SLC6A6: variants seen among roughly 807,000 people sequenced by gnomAD.
The protein encoded by SLC6A6 is solute carrier family 6 member 6, also known as sodium- and chloride-dependent taurine transporter.
In SLC6A6, 16 loss-of-function variants were observed where a neutral mutation model predicts 68.8. The ratio of observed to expected loss-of-function variants is 0.23; its 90% CI spans 0.16 to 0.35. SLC6A6 has a LOEUF of 0.35. SLC6A6 is among the 10% of genes least tolerant of loss of function. The pLI is 1.00. For synonymous variants in SLC6A6, 312 were observed against 315.4 expected, an observed-to-expected ratio of 0.99 and a Z score of 0.12; for missense variants, 474 against 802.8, an observed-to-expected ratio of 0.59 and a Z score of 4.95.
intron 1 of SLC6A6, among the ~76,000 whole-genome samples, chr3:14,406,764 A>G (rs1038966576): frequency 6.6e-6 from 1 of 152,136 alleles, no homozygotes; most frequent in Admixed American, 6.5e-5. Context: ...AAGCAGAGAG[A>G]GTGAGGAATT....
At chr3:14,407,843 A>T (rs1452604673) in intron 1 of SLC6A6, among the ~76,000 whole-genome samples, 1 of 152,166 alleles carries the variant, frequency 6.6e-6, no homozygotes, top group African/African-American at 2.4e-5. Context: ...TAGTTTTGCC[A>T]GTCTAAATCC....
intron 6 of SLC6A6, among the ~76,000 whole-genome samples, chr3:14,459,446 G>A (rs1183145784): frequency 6.6e-6 from 1 of 152,102 alleles, no homozygotes; most frequent in Admixed American, 6.5e-5. Flanking sequence ...GAATGGGGGT[G>A]ATCCTGTGCA....
At chr3:14,434,693 T>G (rs1699810772) in intron 2 of SLC6A6, among the ~76,000 whole-genome samples, 1 of 152,140 alleles carries the variant, frequency 6.6e-6, no homozygotes, top group Non-Finnish European at 1.5e-5. Context: ...TGGAGTATGG[T>G]GTGTGCCTCA....
chr3:14,426,302 T>TTCC (rs1699596060), intron 2 of SLC6A6, among the ~76,000 whole-genome samples: 1 of 151,892 alleles, frequency 6.6e-6, no homozygotes, highest in African/African-American at 2.4e-5. Context: ...TGAGCCGTAG[T>TTCC]TCCTCATCTC....
chr3:14,478,870 C>T, intron 12 of SLC6A6: 1 of 596,178 alleles, frequency 1.7e-6, no homozygotes, highest in South Asian at 2.0e-5. Flanking sequence ...AGATTGCACA[C>T]CTAGGGTTTG....
In SLC6A6 at chr3:14,477,311, G is replaced by T; in HGVS notation, c.1316G>T (p.Ser439Ile). 6.2e-7 allele frequency: 1 copy of T among 1,614,206 alleles called. No homozygotes were observed. The highest frequency in any genetic ancestry group is 8.5e-7 in the Non-Finnish European group (1 of 1,180,012). ...TTCATCGCCTTCGTGTGTAGCATCAGCTACCTGCTGGGGCTGACGATGGTG... is the reference window on the plus strand; with the variant it reads ...TTCATCGCCTTCGTGTGTAGCATCATCTACCTGCTGGGGCTGACGATGGTG... ...EIFIAFVCSI[S>I]YLLGLTMVTE... Residue 439 changes from serine (S) to isoleucine (I), a missense_variant, in exon 11 of 15, where the codon AGC (serine) becomes ATC (isoleucine). Ser to Ile is a moderately radical substitution (Grantham distance 142). This residue lies in a region of SLC6A6 where 194 missense variants were observed against 269.8 expected (regional missense o/e 0.72). Transcript: ENST00000622186. This position sits in a 1 kb window ranked among gnomAD's most constrained non-coding sequence, Gnocchi z 4.2.
At position 14,467,942 on chromosome 3, in the gene SLC6A6, G is replaced by A. The variant is rs1574958179; in HGVS notation, c.957G>A (p.Lys319=). ...MTSLGSYNKY[K]YNSYRDCMLL... ...CGCTGGGGAGCTACAACAAGTACAA[G>A]TATAACTCGTACAGGCAAGTGTTGC... is the stretch of plus-strand genomic sequence containing the variant. Residue 319 remains lysine, a synonymous_variant, in exon 8 of 15, where the codon AAG becomes AAA. Transcript: ENST00000622186. 1 of 1,613,170 alleles carries A rather than the reference G, an allele frequency of 6.2e-7. No homozygotes were observed. Among genetic ancestry groups the A allele is most frequent in the South Asian group, 1.1e-5 (1 of 91,056 alleles).
intron 2 of SLC6A6, among the ~76,000 whole-genome samples, chr3:14,417,469 C>A (rs770588966): frequency 1.3e-5 from 2 of 152,206 alleles, no homozygotes; most frequent in Non-Finnish European, 2.9e-5. Context: ...CCGTGGCTCA[C>A]GCCTGGGATC....
chr3:14,468,188 GA>G lies in SLC6A6; in HGVS notation c.1073del (p.Asp358AlafsTer21). The G allele has an allele frequency of 6.2e-7, 1 of 1,613,920 alleles. No homozygotes were observed. Among genetic ancestry groups the G allele is most frequent in the South Asian group, 1.1e-5 (1 of 91,070 alleles). The stretch of plus-strand genomic sequence containing the variant: ...CTTCATGGCACAAGAGCAAGGGGTG[GA>G]CATTGCTGATGTGGCTGAGTCAGGT... ...LGFMAQEQGV[D>X]IADVAESGPG... On this transcript the variant is annotated frameshift_variant, in exon 9 of 15. Transcript: ENST00000622186. LOFTEE classifies it high-confidence loss of function. This position sits in a 1 kb window ranked among gnomAD's most constrained non-coding sequence, Gnocchi z 4.5.
At chr3:14,404,114 T>C (rs936401616) in intron 1 of SLC6A6, among the ~76,000 whole-genome samples, 15 of 152,232 alleles carry the variant, frequency 9.9e-5, no homozygotes, top group African/African-American at 3.6e-4. Context: ...TTCACTAAAT[T>C]GGCCCCCGCT....
chr3:14,415,021 C>T (rs148437641), intron 1 of SLC6A6, among the ~76,000 whole-genome samples: 10 of 152,344 alleles, frequency 6.6e-5, no homozygotes, highest in African/African-American at 1.7e-4. Context: ...GCTACTTCCA[C>T]CACCCAAACC....
intron 2 of SLC6A6, among the ~76,000 whole-genome samples, chr3:14,429,263 A>G (rs1190032641): frequency 6.6e-6 from 1 of 152,172 alleles, no homozygotes; most frequent in Non-Finnish European, 1.5e-5. Context: ...AACCTTGGCC[A>G]GGTCATTCTC....
At chr3:14,425,004 C>T (rs10212297) in intron 2 of SLC6A6, among the ~76,000 whole-genome samples, 4,066 of 152,316 alleles carry the variant, frequency 0.027, 135 homozygotes, top group African/African-American at 0.073. Flanking sequence ...GTTTCTGCCT[C>T]TCTCTGCACT....
chr3:14,443,820 C>T lies in SLC6A6; in HGVS notation c.186C>T (p.Gly62=), dbSNP rs780224299. The T allele has an allele frequency of 2.3e-5, 37 of 1,613,934 alleles. No individual in the cohort carries two copies. The highest frequency in any genetic ancestry group is 5.0e-5 in the Admixed American group (3 of 59,996). ...LSVAGGFVGL[G]NVWRFPYLCY... is the part of the protein sequence containing the mutation. ...TGGCTGGCGGCTTCGTGGGCTTGGG[C>T]AACGTCTGGCGCTTCCCGTACCTCT... Residue 62 remains glycine, a synonymous_variant, in exon 3 of 15, where the codon GGC becomes GGT. Coordinates refer to ENST00000622186, the MANE Select transcript of SLC6A6 (RefSeq NM_003043.6).
At chr3:14,414,703 T>G (rs1699326249) in intron 1 of SLC6A6, among the ~76,000 whole-genome samples, 1 of 152,048 alleles carries the variant, frequency 6.6e-6, no homozygotes, top group African/African-American at 2.4e-5. Flanking sequence ...TTTTTAAATT[T>G]TATTTTTTTG....
intron 5 of SLC6A6, among the ~76,000 whole-genome samples, chr3:14,451,526 C>G (rs1700250549): frequency 6.6e-6 from 1 of 152,310 alleles, no homozygotes; most frequent in East Asian, 1.9e-4. Context: ...GGGTCAAAGC[C>G]TTGAATGTTA....
Position 14,484,890 on chromosome 3 carries a change from A to C in SLC6A6, c.1746A>C (p.Pro582=). ...FLVRVKYLLT[P]REPNRWAVER... Reference sequence around the variant, plus strand: ...AGAGAGTCAAGTACCTGCTGACCCCAAGGGAACCCAACCGCTGGGCTGTGG... The same window carrying C: ...AGAGAGTCAAGTACCTGCTGACCCCCAGGGAACCCAACCGCTGGGCTGTGG... The change falls in exon 15 of 15, where the codon CCA becomes CCC. Residue 582 remains proline (P), a synonymous_variant. Coordinates refer to ENST00000622186, the MANE Select transcript of SLC6A6 (RefSeq NM_003043.6). 1 of 1,612,032 alleles carries C rather than the reference A, an allele frequency of 6.2e-7. No homozygotes were observed. The highest frequency in any genetic ancestry group is 8.5e-7 in the Non-Finnish European group (1 of 1,179,958).
intron 2 of SLC6A6, among the ~76,000 whole-genome samples, chr3:14,440,937 C>T (rs566468966): frequency 2.0e-4 from 30 of 152,286 alleles, no homozygotes; most frequent in African/African-American, 7.2e-4. Flanking sequence ...AAAACCCCCA[C>T]CCCCATCCTG....
At chr3:14,441,942 A>G (rs2124941439) in intron 2 of SLC6A6, among the ~76,000 whole-genome samples, 1 of 152,340 alleles carries the variant, frequency 6.6e-6, no homozygotes, top group Non-Finnish European at 1.5e-5. Flanking sequence ...TGTCCCCAGG[A>G]GCCTCTATTC....
Sources: allele counts gnomAD v4.1 joint callset (sites outside exome capture counted in the v4.1 genomes callset), GRCh38; gene constraint gnomAD v4.1.1; regional missense constraint gnomAD v4.1.1; non-coding constraint Gnocchi (gnomAD v3.1); transcripts MANE v1.5; gene names NCBI Gene and HGNC (gene_info 2026-07-23, HGNC 2026-07-21).